UBE2E2: variants seen among roughly 807,000 people sequenced by gnomAD.
The protein encoded by UBE2E2 is ubiquitin conjugating enzyme E2 E2.
UBE2E2 carries 6 observed loss-of-function variants against 24.7 expected under a neutral mutation model. The ratio of observed to expected loss-of-function variants is 0.24; its 90% CI spans 0.13 to 0.48. UBE2E2 has a LOEUF of 0.48. UBE2E2 is among the 20% of genes least tolerant of loss of function. The probability of loss-of-function intolerance (pLI) is 0.99; values close to 1 mark genes in which losing one functional copy is unlikely to be tolerated. For missense variants in UBE2E2, 169 were observed against 245.0 expected, an observed-to-expected ratio of 0.69 and a Z score of 2.07; for synonymous variants, 104 against 83.6, an observed-to-expected ratio of 1.24 and a Z score of -1.33.
chr3:23,567,942 G>A (rs1016484698), intron 5 of UBE2E2, among the ~76,000 whole-genome samples: 2 of 152,122 alleles, frequency 1.3e-5, no homozygotes, highest in African/African-American at 4.8e-5. Flanking sequence ...GTAATGGTTG[G>A]TCCCACCTTT....
At chr3:23,465,989 C>T (rs571218844) in intron 3 of UBE2E2, among the ~76,000 whole-genome samples, 8 of 152,006 alleles carry the variant, frequency 5.3e-5, no homozygotes, top group South Asian at 2.1e-4. Context: ...ATAATTAACA[C>T]GGTTATTGAG....
At chr3:23,343,672 C>T (rs906396331) in intron 3 of UBE2E2, among the ~76,000 whole-genome samples, 3 of 152,154 alleles carry the variant, frequency 2.0e-5, no homozygotes, top group African/African-American at 4.8e-5. Context: ...TCTGTGTAAT[C>T]GGTGCCAGAT....
At chr3:23,400,626 A>ACACACATACT (rs1697200106) in intron 3 of UBE2E2, among the ~76,000 whole-genome samples, 1 of 151,798 alleles carries the variant, frequency 6.6e-6, no homozygotes. Flanking sequence ...ACACACACAC[A>ACACACATACT]CACACACACA....
chr3:23,407,729 C>G lies in UBE2E2; in HGVS notation c.228-91879C>G, dbSNP rs1323804007. Among the ~76,000 whole-genome samples, 1 of 151,084 alleles carries G rather than the reference C, an allele frequency of 6.6e-6. No individual in the cohort carries two copies. Among genetic ancestry groups the G allele is most frequent in the East Asian group, 1.9e-4 (1 of 5,132 alleles). On this transcript the variant is annotated intron_variant, in intron 3 of 5. Transcript: ENST00000396703. This position sits in a 1 kb window ranked among gnomAD's most constrained non-coding sequence, Gnocchi z 4.0. ...AAATCCCAGGCTTTATGCCGTTTTA[C>G]TCCTAAACCTCTGTACATCTCAAAT...
At position 23,259,207 on chromosome 3, in the gene UBE2E2, G is replaced by C. The variant is rs1697830976; in HGVS notation, c.227+41895G>C. On this transcript the variant is annotated intron_variant, in intron 3 of 5. Coordinates refer to ENST00000396703, the MANE Select transcript of UBE2E2 (RefSeq NM_152653.4). ...ATCCAGTGAGGCCCCCTAAATCACT[G>C]TCTACTTCCTTGTATATGTGTGTGT... Among the ~76,000 whole-genome samples, 11 of 152,228 alleles carry C rather than the reference G, an allele frequency of 7.2e-5. No individual in the cohort carries two copies. In the South Asian group the frequency reaches 2.3e-3, roughly 32 times the overall value.
At position 23,489,645 on chromosome 3, in the gene UBE2E2, C is replaced by A. The variant is rs117435326; in HGVS notation, c.228-9963C>A. ...ACAACAATAGTTTCATGGGATAATG[C>A]GAGTAATGCGAACAATGGGGAGAGC... On this transcript the variant is annotated intron_variant, in intron 3 of 5. Coordinates refer to ENST00000396703, the MANE Select transcript of UBE2E2 (RefSeq NM_152653.4). Among the ~76,000 whole-genome samples the A allele has an allele frequency of 9.9e-4, 151 of 152,234 alleles. 3 individuals are homozygous for A. In the East Asian group the frequency reaches 0.025, roughly 25 times the overall value.
chr3:23,458,785 GAC>G (rs1698739913), intron 3 of UBE2E2, among the ~76,000 whole-genome samples: 2 of 152,104 alleles, frequency 1.3e-5, no homozygotes, highest in South Asian at 4.2e-4. Flanking sequence ...ACCAAAATGA[GAC>G]ACAGAGACAT....
At chr3:23,255,587 A>C (rs1008631306) in intron 3 of UBE2E2, among the ~76,000 whole-genome samples, 3 of 152,082 alleles carry the variant, frequency 2.0e-5, no homozygotes, top group African/African-American at 7.3e-5. Flanking sequence ...AGTAGAGAGA[A>C]AAAGGGCATT....
At chr3:23,391,350 G>T (rs1696930328) in intron 3 of UBE2E2, among the ~76,000 whole-genome samples, 1 of 152,188 alleles carries the variant, frequency 6.6e-6, no homozygotes, top group African/African-American at 2.4e-5. Flanking sequence ...GACTTAGAAT[G>T]TATATGCAAA....
chr3:23,310,139 A>G (rs1694332902), intron 3 of UBE2E2, among the ~76,000 whole-genome samples: 1 of 152,148 alleles, frequency 6.6e-6, no homozygotes, highest in Non-Finnish European at 1.5e-5. Flanking sequence ...AATCACCACA[A>G]TATAACACCT....
chr3:23,408,932 TA>T (rs1202432620), intron 3 of UBE2E2, among the ~76,000 whole-genome samples: 1 of 152,192 alleles, frequency 6.6e-6, no homozygotes, highest in Non-Finnish European at 1.5e-5. Context: ...AGAGCCCTTG[TA>T]TTTGAATAAT....
intron 3 of UBE2E2, among the ~76,000 whole-genome samples, chr3:23,387,138 C>G (rs545030049): frequency 6.6e-6 from 1 of 152,318 alleles, no homozygotes; most frequent in African/African-American, 2.4e-5. Context: ...TATGCAGATG[C>G]TATTAGCAGT....
At chr3:23,428,529 A>C (rs1697982621) in intron 3 of UBE2E2, among the ~76,000 whole-genome samples, 1 of 152,188 alleles carries the variant, frequency 6.6e-6, no homozygotes, top group Admixed American at 6.5e-5. Flanking sequence ...AGCAGAAGTA[A>C]AGAAATTTAA....
At chr3:23,511,700 T>C (rs1350359328) in intron 4 of UBE2E2, among the ~76,000 whole-genome samples, 1 of 152,202 alleles carries the variant, frequency 6.6e-6, no homozygotes, top group Admixed American at 6.5e-5. Context: ...AAAGCTGATA[T>C]TTTCTCTTTT....
chr3:23,353,636 G>A (rs773656323), intron 3 of UBE2E2, among the ~76,000 whole-genome samples: 6,192 of 152,042 alleles, frequency 0.041, 175 homozygotes, highest in Non-Finnish European at 0.058. Flanking sequence ...CCCATTCACA[G>A]TTGCTTCAAA....
At chr3:23,225,073 T>C (rs893097562) in intron 3 of UBE2E2, among the ~76,000 whole-genome samples, 2 of 152,130 alleles carry the variant, frequency 1.3e-5, no homozygotes, top group Non-Finnish European at 2.9e-5. Flanking sequence ...CATGTGCTTA[T>C]TGTCCATTTG....
At chr3:23,571,832 A>G (rs899100514) in intron 5 of UBE2E2, among the ~76,000 whole-genome samples, 2 of 152,188 alleles carry the variant, frequency 1.3e-5, no homozygotes, top group African/African-American at 2.4e-5. Context: ...AAGGAAAGCC[A>G]TCTTTTGGAG....
At chr3:23,212,370 T>G (rs905010830) in intron 2 of UBE2E2, among the ~76,000 whole-genome samples, 1 of 152,204 alleles carries the variant, frequency 6.6e-6, no homozygotes, top group African/African-American at 2.4e-5. Flanking sequence ...TTTGCAAGTC[T>G]GTTGTTGGAC....
At chr3:23,563,639 A>C (rs555954390) in intron 5 of UBE2E2, among the ~76,000 whole-genome samples, 1 of 152,078 alleles carries the variant, frequency 6.6e-6, no homozygotes, top group African/African-American at 2.4e-5. Context: ...TCTTCTTTGA[A>C]GCTTTTAACC....
Sources: gnomAD v4.1 joint callset for allele counts (sites outside exome capture counted in the v4.1 genomes callset) on GRCh38, gnomAD v4.1.1 for gene constraint, Gnocchi (gnomAD v3.1) non-coding constraint, MANE v1.5 for transcripts, NCBI Gene and HGNC (gene_info 2026-07-23, HGNC 2026-07-21) for gene names.